Variants in ABCB7 observed in about 807,000 individuals in gnomAD.
ABCB7 encodes the protein iron-sulfur clusters transporter ABCB7, mitochondrial.
Under a neutral mutation model 54.4 loss-of-function variants are expected in ABCB7, and 7 were observed. The observed-to-expected ratio is 0.13, with a 90% CI of 0.07 to 0.24. The LOEUF (loss-of-function observed/expected upper bound fraction) is 0.24, where lower values mean the gene tolerates loss of function less well. ABCB7 is among the 10% of genes least tolerant of loss of function. The pLI is 1.00. For synonymous variants in ABCB7, 218 were observed against 207.1 expected, an observed-to-expected ratio of 1.05 and a Z score of -0.45; for missense variants, 356 against 570.4, an observed-to-expected ratio of 0.62 and a Z score of 3.83.
intron 4 of ABCB7, among the ~76,000 whole-genome samples, chrX:75,081,015 G>C (rs6647623): frequency 0.012 from 1,358 of 111,575 alleles, 23 homozygotes; most frequent in African/African-American, 0.043. Flanking sequence ...AGAGGCCCAA[G>C]TAGGAACCTG....
chrX:75,055,823 T>C (rs1046765844), intron 15 of ABCB7, among the ~76,000 whole-genome samples: 3 of 110,020 alleles, frequency 2.7e-5, no homozygotes, highest in African/African-American at 1.0e-4. Flanking sequence ...AATTTGTATT[T>C]GTCTAGTTGT....
chrX:75,053,859 A>C (rs1279957867), intron 15 of ABCB7, among the ~76,000 whole-genome samples: 1 of 111,933 alleles, frequency 8.9e-6, no homozygotes, highest in African/African-American at 3.2e-5. Flanking sequence ...GTAATGTTTC[A>C]TTTGTCATTT....
intron 10 of ABCB7, 55 bp from the exon 11 acceptor site, chrX:75,069,509 C>G (rs5981317): frequency 8.9e-6 from 10 of 1,126,396 alleles, no homozygotes; most frequent in Non-Finnish European, 1.1e-5. Context: ...AGTACAGCTA[C>G]GAAGACAATT....
At chrX:75,060,135 T>C (rs1196876744) in intron 15 of ABCB7, 88 bp downstream of exon 15, 9 of 794,729 alleles carry the variant, frequency 1.1e-5, no homozygotes, top group Non-Finnish European at 1.3e-5. Context: ...CTCAACCAAA[T>C]AATGTAAGAA....
chrX:75,128,870 G>A (rs1454006839), intron 1 of ABCB7, among the ~76,000 whole-genome samples: 10 of 112,197 alleles, frequency 8.9e-5, no homozygotes, highest in African/African-American at 3.2e-4. Flanking sequence ...GCTCATTAGA[G>A]AAATGCAAAT....
chrX:75,073,631 G>A (rs1041373062), intron 8 of ABCB7, 58 bp downstream of exon 8: 14 of 931,027 alleles, frequency 1.5e-5, no homozygotes, highest in Non-Finnish European at 2.2e-5. Context: ...AAATTAAATG[G>A]TAGATCAAAT....
At chrX:75,070,650 C>G (rs181543756) in intron 9 of ABCB7, 128 bp from the exon 10 acceptor site, 1 of 679,602 alleles carries the variant, frequency 1.5e-6, no homozygotes, top group African/African-American at 2.2e-5. Flanking sequence ...TATGTCAACT[C>G]AATTTCAAAG....
chrX:75,078,423 C>A (rs1257318968), intron 4 of ABCB7, among the ~76,000 whole-genome samples: 2 of 110,996 alleles, frequency 1.8e-5, no homozygotes, highest in African/African-American at 6.6e-5. Context: ...ATCCTTTTTG[C>A]ATAAATTTGA....
intron 13 of ABCB7, among the ~76,000 whole-genome samples, chrX:75,064,244 C>T (rs1047539450): frequency 2.7e-5 from 3 of 111,492 alleles, no homozygotes; most frequent in Non-Finnish European, 5.7e-5. Flanking sequence ...AATCATTTAG[C>T]ATAGTAGCTT....
chrX:75,155,257 T>A (rs981459694), intron 1 of ABCB7, among the ~76,000 whole-genome samples: 2 of 113,123 alleles, frequency 1.8e-5, no homozygotes, highest in Non-Finnish European at 3.7e-5. Context: ...GAATCAAAAT[T>A]TAAGAGGTTG....
At position 75,053,273 on chromosome X, in the gene ABCB7, T is replaced by C; in HGVS notation, c.*97A>G. 2 of 1,054,791 alleles carry C rather than the reference T, an allele frequency of 1.9e-6. No individual in the cohort carries two copies. The highest frequency in any genetic ancestry group is 2.0e-5 in the South Asian group (1 of 48,916). 86.9% of individuals were successfully genotyped at this position (1,054,791 alleles called of 1,213,427 possible). ...TAAATCTTATCTAAAAGAAGGATTA[T>C]AGAAAATGGGAATGTATGATTTTTT... On this transcript the variant is annotated 3_prime_UTR_variant, in exon 16 of 16. Transcript: ENST00000373394.
chrX:75,153,633 T>TC (rs1443990420), intron 1 of ABCB7, among the ~76,000 whole-genome samples: 5 of 107,616 alleles, frequency 4.6e-5, no homozygotes, highest in Admixed American at 4.0e-4. Flanking sequence ...ACAGTACCTA[T>TC]CCAAAAGAAC....
At chrX:75,123,111 G>A (rs1019828850) in intron 1 of ABCB7, among the ~76,000 whole-genome samples, 2 of 110,820 alleles carry the variant, frequency 1.8e-5, no homozygotes, top group African/African-American at 3.3e-5. Flanking sequence ...ATTGCCAAGG[G>A]TAATGTCAAG....
chrX:75,105,729 G>A (rs1333198646), intron 3 of ABCB7, among the ~76,000 whole-genome samples: 1 of 111,763 alleles, frequency 8.9e-6, no homozygotes, highest in Non-Finnish European at 1.9e-5. Flanking sequence ...AATAAAGCAA[G>A]AGGTACCACA....
In ABCB7 at chrX:75,112,999, C is replaced by T. The variant is rs146592667; in HGVS notation, c.247-27G>A. 8.3e-3 allele frequency: 9,354 copies of T among 1,123,481 alleles called. 37 individuals carry two copies. The highest frequency in any genetic ancestry group is 8.9e-3 in the Non-Finnish European group (7,305 of 817,397). 92.6% of individuals were successfully genotyped at this position (1,123,481 alleles called of 1,213,427 possible). The stretch of plus-strand genomic sequence containing the variant: ...TAATTGAAGATGATACCAAGCAGTC[C>T]GTTAGCTATTACAGAATTTCAGATG... On this transcript the variant is annotated intron_variant, in intron 2 of 15. Transcript: ENST00000373394.
intron 4 of ABCB7, among the ~76,000 whole-genome samples, chrX:75,091,595 A>C (rs2081544135): frequency 9.0e-6 from 1 of 111,115 alleles, no homozygotes; most frequent in Non-Finnish European, 1.9e-5. Context: ...AAGAAAAGGA[A>C]ATAAAGGTAT....
At chrX:75,115,226 C>T (rs1197462067) in intron 1 of ABCB7, among the ~76,000 whole-genome samples, 1 of 90,640 alleles carries the variant, frequency 1.1e-5, no homozygotes, top group Non-Finnish European at 2.1e-5. Flanking sequence ...CGAGATCACG[C>T]CACTGCACTC....
Position 75,076,540 on chromosome X carries a change from T to C in ABCB7, c.568A>G (p.Thr190Ala). The C allele has an allele frequency of 8.3e-7, 1 of 1,211,150 alleles. No homozygotes were observed. The stretch of plus-strand genomic sequence containing the variant: ...CACATACAGCCAATCAGAACTGCTG[T>C]TGCCATGGTTGCAACTGTATTTGGT... ...DAPNTVATMA[T>A]AVLIGYGVSR... Residue 190 changes from threonine to alanine, a missense_variant, in exon 5 of 16, where the codon ACA becomes GCA. Transcript: ENST00000373394.
intron 12 of ABCB7, among the ~76,000 whole-genome samples, chrX:75,067,780 C>A (rs183301919): frequency 9.0e-6 from 1 of 111,091 alleles, no homozygotes; most frequent in East Asian, 2.8e-4. Flanking sequence ...CCACTGTGCC[C>A]AGCCTAGATT....
Sources: gnomAD v4.1 joint callset for allele counts (sites outside exome capture counted in the v4.1 genomes callset) on GRCh38, gnomAD v4.1.1 for gene constraint, MANE v1.5 for transcripts, NCBI Gene and HGNC (gene_info 2026-07-23, HGNC 2026-07-21) for gene names.